Variants in COMMD1 observed in about 807,000 individuals in gnomAD.
The protein encoded by COMMD1 is copper metabolism domain containing 1.
Under a neutral mutation model 17.2 loss-of-function variants are expected in COMMD1, and 10 were observed. The ratio of observed to expected loss-of-function variants is 0.58; its 90% CI spans 0.36 to 0.99. The LOEUF is 0.99. Among genes scored for constraint, COMMD1 ranks in the 50% least tolerant of loss-of-function variants. The pLI is 0.01. For synonymous variants in COMMD1, 97 were observed against 91.6 expected, an observed-to-expected ratio of 1.06 and a Z score of -0.34; for missense variants, 270 against 231.8, an observed-to-expected ratio of 1.17 and a Z score of -1.07.
chr2:62,054,063 A>G (rs1009887733), intron 2 of COMMD1, among the ~76,000 whole-genome samples: 20 of 152,228 alleles, frequency 1.3e-4, no homozygotes, highest in Admixed American at 1.3e-3. Flanking sequence ...CATTTTTCAA[A>G]AGAAGACATA....
rs34949326 is a variant in COMMD1, at chr2:61,889,202, C to CTTTTTTTTT, written n.119+376_119+384dup. Among the ~76,000 whole-genome samples, 19 of 54,786 alleles carry CTTTTTTTTT rather than the reference C, an allele frequency of 3.5e-4. 4 individuals are homozygous for CTTTTTTTTT. Among genetic ancestry groups the CTTTTTTTTT allele is most frequent in the East Asian group, 5.9e-4 (1 of 1,700 alleles). The allele number at this position is 54,786 out of a possible 152,430, so 35.9% of individuals were successfully genotyped here. ...ACAGGCGTCAGCCACGAAGCCCGGCCTTTTTTTTTTTTTTTTTTTTTTTTG... is the reference window on the plus strand; with the variant it reads ...ACAGGCGTCAGCCACGAAGCCCGGCCTTTTTTTTTTTTTTTTTTTTTTTTTTTTTTTTTG... On this transcript the variant is annotated intron_variant and non_coding_transcript_variant, in intron 1 of 2. Coordinates refer to the COMMD1 transcript ENST00000472729.
chr2:61,923,675 C>T (rs940679295), intron 1 of COMMD1, among the ~76,000 whole-genome samples: 4 of 152,172 alleles, frequency 2.6e-5, no homozygotes, highest in African/African-American at 9.7e-5. Flanking sequence ...AATGCTGACA[C>T]ATATGGGCTT....
rs568278463 is a variant in COMMD1, at chr2:61,954,863, C to T, written c.181-45838C>T. On this transcript the variant is annotated intron_variant, in intron 1 of 2. Transcript: ENST00000311832. ...ATAGTTTTTCTATTTTTAGTAGAGA[C>T]GGGGTTTCACCGTGTTGCCCAGGCT... Among the ~76,000 whole-genome samples the T allele has an allele frequency of 1.2e-3, 185 of 152,186 alleles. 3 individuals are homozygous for T. The highest frequency in any genetic ancestry group is 1.0e-2 in the South Asian group (48 of 4,820).
At chr2:61,926,923 TAAAC>T (rs1374910321) in intron 1 of COMMD1, among the ~76,000 whole-genome samples, 1 of 152,248 alleles carries the variant, frequency 6.6e-6, no homozygotes, top group South Asian at 2.1e-4. Flanking sequence ...CTTGGCTAAA[TAAAC>T]CTCTAATCTA....
intron 2 of COMMD1, among the ~76,000 whole-genome samples, chr2:62,007,438 A>C (rs10185538): frequency 3.0e-4 from 45 of 152,280 alleles, no homozygotes; most frequent in African/African-American, 1.0e-3. Context: ...TTTATTTTTA[A>C]TTTCTAAATT....
Position 62,004,244 on chromosome 2 carries a change from G to A in COMMD1, c.462+3262G>A, listed in dbSNP as rs185457173. On this transcript the variant is annotated intron_variant, in intron 2 of 2. Coordinates refer to ENST00000311832, the MANE Select transcript of COMMD1 (RefSeq NM_152516.4). ...TTTATTGTACATCACATACTTCAAA[G>A]TAGTAAAGAAATAGTCACAATGAAA... Among the ~76,000 whole-genome samples, 272 of 152,280 alleles carry A rather than the reference G, an allele frequency of 1.8e-3. 1 individual carries two copies. Among genetic ancestry groups the A allele is most frequent in the Non-Finnish European group, 3.4e-3 (228 of 68,030 alleles).
intron 2 of COMMD1, among the ~76,000 whole-genome samples, chr2:62,040,640 G>A (rs1403293619): frequency 1.3e-5 from 2 of 152,080 alleles, no homozygotes; most frequent in African/African-American, 4.8e-5. Flanking sequence ...GAGGATTTTA[G>A]TATACACCTG....
At chr2:61,935,518 C>T (rs573672004) in intron 1 of COMMD1, among the ~76,000 whole-genome samples, 2 of 151,972 alleles carry the variant, frequency 1.3e-5, no homozygotes, top group Non-Finnish European at 2.9e-5. Flanking sequence ...ATCCTAGCTA[C>T]TTGGGAGGCT....
chr2:62,049,815 A>G (rs777694906), intron 2 of COMMD1, among the ~76,000 whole-genome samples: 2 of 152,166 alleles, frequency 1.3e-5, no homozygotes, highest in East Asian at 1.9e-4. Context: ...CAATGGAGTG[A>G]TTAATGTAGT....
At chr2:62,016,410 A>G (rs905297950) in intron 2 of COMMD1, among the ~76,000 whole-genome samples, 2 of 147,730 alleles carry the variant, frequency 1.4e-5, no homozygotes, top group Non-Finnish European at 1.5e-5. Flanking sequence ...GGGTTTTGCC[A>G]TGTTGCCCAG....
chr2:62,097,243 G>A (rs1672037878), intron 2 of COMMD1, among the ~76,000 whole-genome samples: 1 of 152,150 alleles, frequency 6.6e-6, no homozygotes, highest in Non-Finnish European at 1.5e-5. Flanking sequence ...TATTCCAAGG[G>A]CTGGTGCAGG....
Position 61,955,088 on chromosome 2 carries a change from G to A in COMMD1, c.181-45613G>A, listed in dbSNP as rs545548546. Among the ~76,000 whole-genome samples, 17 of 152,326 alleles carry A rather than the reference G, an allele frequency of 1.1e-4. 1 individual carries two copies. In the South Asian group the frequency reaches 2.9e-3, roughly 26 times the overall value. ...AGTTTAAGGCTCAAAATAATTTGGC[G>A]TTCCAACAGCTAAGATTTTGAATTA... On this transcript the variant is annotated intron_variant, in intron 1 of 2. Coordinates refer to ENST00000311832, the MANE Select transcript of COMMD1 (RefSeq NM_152516.4).
intron 1 of COMMD1, among the ~76,000 whole-genome samples, chr2:61,918,158 A>G (rs938437894): frequency 6.6e-6 from 1 of 152,248 alleles, no homozygotes; most frequent in African/African-American, 2.4e-5. Context: ...TGGCTACTCA[A>G]CAATAAAAAT....
chr2:62,014,028 T>C (rs1471229995), intron 2 of COMMD1, among the ~76,000 whole-genome samples: 1 of 152,236 alleles, frequency 6.6e-6, no homozygotes, highest in Non-Finnish European at 1.5e-5. Flanking sequence ...TTGTTTCTTA[T>C]GATGTGCCCT....
intron 1 of COMMD1, among the ~76,000 whole-genome samples, chr2:61,973,049 A>G (rs1436631801): frequency 2.0e-5 from 3 of 151,912 alleles, no homozygotes; most frequent in South Asian, 4.2e-4. Context: ...TTTTTTTGTT[A>G]TTATTGTTCA....
rs938160657 is a variant in COMMD1, at chr2:61,918,441, C to T, written c.180+12583C>T. 7 of 152,166 alleles carry T rather than the reference C, an allele frequency of 4.6e-5. 1 individual carries two copies. Among genetic ancestry groups the T allele is most frequent in the Non-Finnish European group, 1.0e-4 (7 of 68,038 alleles). 9.4% of individuals were successfully genotyped at this position (152,166 alleles called of 1,614,324 possible). A position where few individuals can be genotyped will look rare whatever the true frequency, so the allele number is the denominator to read the frequency against. On this transcript the variant is annotated intron_variant, in intron 1 of 2. Coordinates refer to ENST00000311832, the MANE Select transcript of COMMD1 (RefSeq NM_152516.4). ...TAAAGCAGCAATTGCAGATTACCCACCTGGGATTTGTAGAGTATTTTAATA... is the reference window on the plus strand; with the variant it reads ...TAAAGCAGCAATTGCAGATTACCCATCTGGGATTTGTAGAGTATTTTAATA...
chr2:62,076,141 A>T (rs1247871460), intron 2 of COMMD1, among the ~76,000 whole-genome samples: 1 of 152,276 alleles, frequency 6.6e-6, no homozygotes, highest in Admixed American at 6.5e-5. Flanking sequence ...ACAAAGTCTC[A>T]TCCTTTCATC....
intron 1 of COMMD1, among the ~76,000 whole-genome samples, chr2:61,984,289 G>A (rs1030258334): frequency 2.0e-5 from 3 of 152,206 alleles, no homozygotes; most frequent in Non-Finnish European, 2.9e-5. Flanking sequence ...GCATCCCAAA[G>A]TGTTGGGATT....
At chr2:62,035,743 T>TAA (rs763075178) in intron 2 of COMMD1, among the ~76,000 whole-genome samples, 10 of 95,020 alleles carry the variant, frequency 1.1e-4, no homozygotes, top group Admixed American at 1.2e-4. Context: ...CTGTCTCAAT[T>TAA]AAAAAAAAAA....
Sources: allele counts gnomAD v4.1 joint callset (sites outside exome capture counted in the v4.1 genomes callset), GRCh38; gene constraint gnomAD v4.1.1; transcripts MANE v1.5; gene names NCBI Gene and HGNC (gene_info 2026-07-23, HGNC 2026-07-21).